ANO3: variants seen among roughly 807,000 people sequenced by gnomAD.
ANO3 encodes anoctamin 3.
A neutral mutation model predicts 144.8 loss-of-function variants in ANO3; 99 were observed. The ratio of observed to expected loss-of-function variants is 0.68; its 90% CI spans 0.58 to 0.81. ANO3 has a LOEUF of 0.81. Among genes scored for constraint, ANO3 ranks in the 30% least tolerant of loss-of-function variants. The pLI is 0.00. For synonymous variants in ANO3, 414 were observed against 392.6 expected, an observed-to-expected ratio of 1.05 and a Z score of -0.64; for missense variants, 905 against 1,202.2, an observed-to-expected ratio of 0.75 and a Z score of 3.66.
Position 26,372,409 on chromosome 11 carries a change from TACAATA to T in ANO3, c.46+40091_46+40096del, listed in dbSNP as rs1403202701. 2.0e-5 allele frequency among the ~76,000 whole-genome samples: 3 copies of T among 152,324 alleles called. No individual in the cohort carries two copies. In the East Asian group the frequency reaches 5.8e-4, roughly 29 times the overall value. ...TTATTACCAGCAGAGAATGGACTAA[TACAATA>T]ACCTTTCTGTCCATTTCATAATGAA... On this transcript the variant is annotated intron_variant, in intron 1 of 26. Transcript: ENST00000256737.
At chr11:26,465,118 A>G (rs889663658) in intron 4 of ANO3, among the ~76,000 whole-genome samples, 54 of 132,114 alleles carry the variant, frequency 4.1e-4, no homozygotes, top group Middle Eastern at 3.6e-3. Flanking sequence ...ATACCCCATC[A>G]TTAAATTGTG....
At chr11:26,344,008 C>T (rs947559812) in intron 1 of ANO3, among the ~76,000 whole-genome samples, 7 of 152,080 alleles carry the variant, frequency 4.6e-5, no homozygotes, top group Admixed American at 2.6e-4. Flanking sequence ...GTTCTTAGGC[C>T]GATTTTTAAA....
chr11:26,460,125 A>G (rs1263347963), intron 3 of ANO3: 4 of 453,938 alleles, frequency 8.8e-6, no homozygotes, highest in Non-Finnish European at 1.8e-5. Flanking sequence ...ATCTTTGCAT[A>G]TCATTCATCA....
At chr11:26,245,020 T>TGC (rs1554928329) in intron 1 of ANO3, among the ~76,000 whole-genome samples, 1 of 141,510 alleles carries the variant, frequency 7.1e-6, no homozygotes, top group African/African-American at 2.7e-5. Flanking sequence ...TGTGTGTGTG[T>TGC]GCATGCATGC....
intron 1 of ANO3, among the ~76,000 whole-genome samples, chr11:26,227,861 T>A (rs1055426314): frequency 3.9e-5 from 6 of 152,194 alleles, no homozygotes; most frequent in Admixed American, 1.3e-4. Flanking sequence ...TAACATAATT[T>A]AAATTTTTTT....
chr11:26,417,804 T>C (rs1008105937), intron 1 of ANO3, among the ~76,000 whole-genome samples: 3 of 151,758 alleles, frequency 2.0e-5, no homozygotes, highest in Admixed American at 2.0e-4. Flanking sequence ...CTGAAAAGAG[T>C]AGGTGGCTAA....
chr11:26,533,821 A>G (rs1284587301), intron 8 of ANO3, among the ~76,000 whole-genome samples: 4 of 152,226 alleles, frequency 2.6e-5, no homozygotes, highest in Non-Finnish European at 5.9e-5. Flanking sequence ...GCTTGACACA[A>G]TGGCGATTTA....
At chr11:26,219,762 T>A (rs1852105274) in intron 1 of ANO3, among the ~76,000 whole-genome samples, 1 of 152,004 alleles carries the variant, frequency 6.6e-6, no homozygotes, top group South Asian at 2.1e-4. Context: ...TACTTACAGA[T>A]AGAGAGAAAG....
intron 14 of ANO3, chr11:26,565,847 T>A: frequency 6.2e-7 from 1 of 1,612,504 alleles, no homozygotes; most frequent in South Asian, 1.1e-5. Flanking sequence ...GAATTTTGGC[T>A]AAGGCCAACA....
At chr11:26,407,176 A>G in intron 1 of ANO3, among the ~76,000 whole-genome samples, 1 of 150,324 alleles carries the variant, frequency 6.7e-6, no homozygotes, top group Non-Finnish European at 1.5e-5. Context: ...AACACAAAAC[A>G]ATCATTTCTA....
chr11:26,362,825 C>T (rs1009924084), intron 1 of ANO3, among the ~76,000 whole-genome samples: 1 of 152,086 alleles, frequency 6.6e-6, no homozygotes, highest in African/African-American at 2.4e-5. Context: ...TATATACCTT[C>T]TTTATAATTT....
At chr11:26,381,324 T>C (rs1218871257) in intron 1 of ANO3, among the ~76,000 whole-genome samples, 1 of 152,158 alleles carries the variant, frequency 6.6e-6, no homozygotes, top group African/African-American at 2.4e-5. Context: ...GTTTTTTGTT[T>C]GTTTAGTTTT....
chr11:26,228,666 T>C (rs1048911942), intron 1 of ANO3, among the ~76,000 whole-genome samples: 3 of 152,256 alleles, frequency 2.0e-5, no homozygotes, highest in African/African-American at 4.8e-5. Context: ...CATAATGGTC[T>C]GTCACTATCA....
chr11:26,429,994 T>C (rs1445199631), intron 1 of ANO3, among the ~76,000 whole-genome samples: 1 of 151,996 alleles, frequency 6.6e-6, no homozygotes, highest in Non-Finnish European at 1.5e-5. Context: ...TCTCAGCCCT[T>C]CGGGAGGCCA....
At chr11:26,584,366 C>T (rs1851218832) in intron 14 of ANO3, among the ~76,000 whole-genome samples, 1 of 152,126 alleles carries the variant, frequency 6.6e-6, no homozygotes, top group Admixed American at 6.5e-5. Context: ...ACCATGGTGG[C>T]CAGGCTGGTC....
chr11:26,623,752 A>T (rs1417286432), intron 17 of ANO3, among the ~76,000 whole-genome samples: 2 of 151,692 alleles, frequency 1.3e-5, no homozygotes, highest in Non-Finnish European at 2.9e-5. Flanking sequence ...AAAAAACACA[A>T]TTTTTTTAAT....
At chr11:26,380,528 T>G (rs1856561634) in intron 1 of ANO3, among the ~76,000 whole-genome samples, 1 of 152,192 alleles carries the variant, frequency 6.6e-6, no homozygotes, top group African/African-American at 2.4e-5. Context: ...GATGCCTTCT[T>G]TATGTTCTCA....
intron 4 of ANO3, among the ~76,000 whole-genome samples, chr11:26,505,598 A>G (rs1395059837): frequency 6.6e-6 from 1 of 152,190 alleles, no homozygotes; most frequent in Non-Finnish European, 1.5e-5. Flanking sequence ...GAAAATCCAG[A>G]CACATTAGAT....
At chr11:26,454,027 A>G (rs1859050020) in intron 3 of ANO3, among the ~76,000 whole-genome samples, 1 of 152,144 alleles carries the variant, frequency 6.6e-6, no homozygotes, top group African/African-American at 2.4e-5. Context: ...TTTGAAACCA[A>G]CGAGAACAAA....
Sources: gnomAD v4.1 joint callset for allele counts (sites outside exome capture counted in the v4.1 genomes callset) on GRCh38, gnomAD v4.1.1 for gene constraint, MANE v1.5 for transcripts, NCBI Gene and HGNC (gene_info 2026-07-23, HGNC 2026-07-21) for gene names.